ANKFN1: variants seen among roughly 807,000 people sequenced by gnomAD.
ANKFN1 encodes the protein ankyrin repeat and fibronectin type III domain containing 1.
A neutral mutation model predicts 108.7 loss-of-function variants in ANKFN1; 74 were observed. The observed-to-expected ratio is 0.68, with a 90% CI of 0.56 to 0.83. ANKFN1 has a LOEUF of 0.83. ANKFN1 is among the 40% of genes least tolerant of loss of function. ANKFN1 has a pLI of 0.00. For synonymous variants in ANKFN1, 547 were observed against 516.2 expected (o/e 1.06, Z -0.81); for missense variants, 1,505 against 1,382.3 (o/e 1.09, Z -1.41).
intron 1 of ANKFN1, among the ~76,000 whole-genome samples, chr17:56,204,731 T>A (rs994328515): frequency 2.0e-5 from 3 of 152,182 alleles, no homozygotes; most frequent in Non-Finnish European, 4.4e-5. Flanking sequence ...TTTTGTGAGC[T>A]TTGCCCCTGT....
intron 4 of ANKFN1, among the ~76,000 whole-genome samples, chr17:56,079,048 G>A (rs765145680): frequency 4.6e-5 from 7 of 152,124 alleles, no homozygotes; most frequent in African/African-American, 1.7e-4. Context: ...GCTCTTAAAC[G>A]AGTGGGGCTG....
At chr17:56,138,257 T>C (rs1439303272) in intron 4 of ANKFN1, among the ~76,000 whole-genome samples, 2 of 152,160 alleles carry the variant, frequency 1.3e-5, no homozygotes, top group African/African-American at 4.8e-5. Flanking sequence ...TAGCGGGGCT[T>C]TGTGCATTTA....
intron 4 of ANKFN1, among the ~76,000 whole-genome samples, chr17:56,104,725 C>CTT (rs888061054): frequency 5.0e-4 from 76 of 152,294 alleles, no homozygotes; most frequent in African/African-American, 1.8e-3. Context: ...GAGCCCTGTG[C>CTT]TTCTGCTCTG....
At chr17:56,060,553 T>C (rs898669937) in intron 4 of ANKFN1, among the ~76,000 whole-genome samples, 1 of 152,190 alleles carries the variant, frequency 6.6e-6, no homozygotes, top group Non-Finnish European at 1.5e-5. Context: ...TTTCATATGA[T>C]AGTGGCTGTG....
chr17:56,173,601 A>G (rs563267633), intron 1 of ANKFN1, among the ~76,000 whole-genome samples: 2 of 152,200 alleles, frequency 1.3e-5, no homozygotes, highest in Admixed American at 6.5e-5. Context: ...GAGACTAAAA[A>G]TGCACACTAC....
chr17:56,415,579 G>A (rs2145019469), intron 8 of ANKFN1, among the ~76,000 whole-genome samples: 1 of 152,176 alleles, frequency 6.6e-6, no homozygotes, highest in East Asian at 1.9e-4. Context: ...ATATTGAAGA[G>A]GACACATATC....
chr17:56,383,955 G>T (rs1326596147), intron 8 of ANKFN1, among the ~76,000 whole-genome samples: 3 of 152,116 alleles, frequency 2.0e-5, no homozygotes, highest in Non-Finnish European at 4.4e-5. Flanking sequence ...AGAAAAAGAG[G>T]GAATCCTCTC....
chr17:56,199,278 AAAAAAAGACACAGACTTTT>A (rs908590509), intron 1 of ANKFN1, among the ~76,000 whole-genome samples: 1 of 151,936 alleles, frequency 6.6e-6, no homozygotes, highest in African/African-American at 2.4e-5. Flanking sequence ...AAAAAAAAAA[AAAAAAAGACACAGACTTTT>A]AAATGTTTAT....
intron 16 of ANKFN1, among the ~76,000 whole-genome samples, chr17:56,478,886 G>C (rs2050602697): frequency 6.6e-6 from 1 of 152,118 alleles, no homozygotes; most frequent in Non-Finnish European, 1.5e-5. Flanking sequence ...AAAGTGGCAA[G>C]ACTTTATCAA....
intron 3 of ANKFN1, among the ~76,000 whole-genome samples, chr17:56,298,736 G>C (rs1424301573): frequency 6.6e-6 from 1 of 152,156 alleles, no homozygotes; most frequent in Non-Finnish European, 1.5e-5. Flanking sequence ...ACAATTTTAA[G>C]TTTTGCATAT....
At chr17:56,227,622 A>G (rs1228441541) in intron 2 of ANKFN1, among the ~76,000 whole-genome samples, 6 of 152,120 alleles carry the variant, frequency 3.9e-5, no homozygotes. Context: ...TTCTGTCTCC[A>G]AGATTGGACC....
intron 3 of ANKFN1, among the ~76,000 whole-genome samples, chr17:56,274,920 G>A (rs192893214): frequency 2.0e-4 from 31 of 152,224 alleles, no homozygotes. Context: ...TGTACCTTGC[G>A]GTTATCACTT....
At chr17:56,350,538 C>T (rs2046218532) in intron 4 of ANKFN1, among the ~76,000 whole-genome samples, 1 of 152,104 alleles carries the variant, frequency 6.6e-6, no homozygotes, top group Non-Finnish European at 1.5e-5. Flanking sequence ...GTTGTCGTTT[C>T]ATTCCTGCCA....
intron 2 of ANKFN1, among the ~76,000 whole-genome samples, chr17:56,214,407 A>C (rs1915273635): frequency 6.6e-6 from 1 of 152,218 alleles, no homozygotes. Context: ...AAGAGTAGGA[A>C]AAGCAAGTTT....
At chr17:56,104,713 C>T (rs1905709473) in intron 4 of ANKFN1, among the ~76,000 whole-genome samples, 1 of 152,192 alleles carries the variant, frequency 6.6e-6, no homozygotes. Flanking sequence ...TTCCCTTTGG[C>T]AGAGCCCTGT....
chr17:56,148,651 T>A (rs975294031), upstream of ANKFN1, among the ~76,000 whole-genome samples: 4 of 151,696 alleles, frequency 2.6e-5, no homozygotes, highest in African/African-American at 7.3e-5. Context: ...AAAAAAAAAA[T>A]GGCAAAACTT....
At chr17:56,344,681 G>GA (rs1038560290) in intron 4 of ANKFN1, among the ~76,000 whole-genome samples, 1 of 151,582 alleles carries the variant, frequency 6.6e-6, no homozygotes, top group African/African-American at 2.4e-5. Flanking sequence ...AAAAACAACA[G>GA]AAAAAAAGGC....
rs116168177 is a variant in ANKFN1 at position 56,084,551 on chromosome 17, A to G, written c.288+38226A>G. On this transcript the variant is annotated intron_variant, in intron 4 of 12. Transcript: ENST00000635860. ...GTGGGCTGGCTGTGTATCTGAAAATATCGAGCTGTGCTCCAAAAGCTTTTC... is the reference window on the plus strand; with the variant it reads ...GTGGGCTGGCTGTGTATCTGAAAATGTCGAGCTGTGCTCCAAAAGCTTTTC... Among the ~76,000 whole-genome samples, 76 of 151,446 alleles carry G rather than the reference A, an allele frequency of 5.0e-4. 3 individuals carry two copies. The highest frequency in any genetic ancestry group is 1.8e-3 in the African/African-American group (76 of 41,350).
chr17:56,167,086 A>G (rs1387770629), intron 1 of ANKFN1, among the ~76,000 whole-genome samples: 1 of 151,876 alleles, frequency 6.6e-6, no homozygotes, highest in Non-Finnish European at 1.5e-5. Context: ...TAAAGAGAGA[A>G]ATTTACTAAG....
Sources: gnomAD v4.1 joint callset for allele counts (sites outside exome capture counted in the v4.1 genomes callset) on GRCh38, gnomAD v4.1.1 for gene constraint, MANE v1.5 for transcripts, NCBI Gene and HGNC (gene_info 2026-07-23, HGNC 2026-07-21) for gene names.